DNAJC24: variants seen among roughly 807,000 people sequenced by gnomAD.
The protein encoded by DNAJC24 is dnaJ homolog subfamily C member 24.
Under a neutral mutation model 18.0 loss-of-function variants are expected in DNAJC24, and 17 were observed. The ratio of observed to expected loss-of-function variants is 0.94; its 90% CI spans 0.65 to 1.42. DNAJC24 has a LOEUF of 1.42. DNAJC24 is among the 40% of genes most tolerant of loss of function. DNAJC24 has a pLI of 0.00. For missense variants in DNAJC24, 158 were observed against 175.6 expected (o/e 0.90, Z 0.57); for synonymous variants, 55 against 57.7 (o/e 0.95, Z 0.21).
chr11:31,432,710 C>T lies in DNAJC24; in HGVS notation c.*2309C>T, dbSNP rs899625654. On this transcript the variant is annotated 3_prime_UTR_variant, in exon 5 of 5. Coordinates refer to ENST00000465995, the MANE Select transcript of DNAJC24 (RefSeq NM_181706.5). ...CATCAATCAAGAATAAAATTTTCTA[C>T]ATCAAAGTAAGACTTGAGAAAATAA... 3.2e-6 allele frequency: 2 copies of T among 630,876 alleles called. No homozygotes were observed. Among genetic ancestry groups the T allele is most frequent in the African/African-American group, 3.7e-5 (2 of 54,242 alleles). The allele number at this position is 630,876 out of a possible 1,614,324, so 39.1% of individuals were successfully genotyped here.
chr11:31,417,508 G>A (rs1046872095), intron 3 of DNAJC24, among the ~76,000 whole-genome samples: 1 of 152,070 alleles, frequency 6.6e-6, no homozygotes, highest in Non-Finnish European at 1.5e-5. Context: ...AGGTTACCGA[G>A]AGAGAGAGTT....
At chr11:31,428,388 A>C (rs1048199912) in intron 4 of DNAJC24, among the ~76,000 whole-genome samples, 8 of 152,198 alleles carry the variant, frequency 5.3e-5, no homozygotes, top group African/African-American at 1.9e-4. Flanking sequence ...TTATTCTTGT[A>C]GAAATACTTA....
At chr11:31,411,569 A>G (rs878969158) in intron 2 of DNAJC24, among the ~76,000 whole-genome samples, 1 of 152,192 alleles carries the variant, frequency 6.6e-6, no homozygotes, top group Non-Finnish European at 1.5e-5. Flanking sequence ...GGCTGCAGGC[A>G]TTCCTTGGCT....
At chr11:31,403,519 G>A (rs1233612996) in intron 2 of DNAJC24, among the ~76,000 whole-genome samples, 2 of 152,166 alleles carry the variant, frequency 1.3e-5, no homozygotes, top group Non-Finnish European at 2.9e-5. Context: ...AACATTTTTT[G>A]ATTTGCAGTT....
chr11:31,371,300 C>T (rs865965262), intron 2 of DNAJC24, among the ~76,000 whole-genome samples: 4 of 152,156 alleles, frequency 2.6e-5, no homozygotes, highest in Admixed American at 6.5e-5. Flanking sequence ...ATTTTAAAGA[C>T]AGTATTTAAA....
intron 2 of DNAJC24, among the ~76,000 whole-genome samples, chr11:31,390,705 TAAAAA>T (rs34050503): frequency 2.7e-4 from 31 of 114,078 alleles, no homozygotes; most frequent in African/African-American, 9.8e-4. Context: ...GATTCCATCT[TAAAAA>T]AAAAAAAAAA....
intron 3 of DNAJC24, among the ~76,000 whole-genome samples, chr11:31,418,682 T>G (rs1173042892): frequency 6.6e-6 from 1 of 152,116 alleles, no homozygotes; most frequent in Non-Finnish European, 1.5e-5. Flanking sequence ...GGTAGAACCT[T>G]CACTATACAT....
intron 4 of DNAJC24, chr11:31,429,412 A>T (rs1952897329): frequency 5.7e-6 from 2 of 348,058 alleles, no homozygotes; most frequent in South Asian, 4.2e-5. Context: ...GTCCTTTGAG[A>T]CTTATTTATG....
chr11:31,413,065 T>G (rs1688838898), intron 2 of DNAJC24, among the ~76,000 whole-genome samples: 1 of 152,110 alleles, frequency 6.6e-6, no homozygotes, highest in African/African-American at 2.4e-5. Flanking sequence ...TACTTGCAAT[T>G]TTTTTTGTGC....
At chr11:31,377,374 A>G (rs539877422) in intron 2 of DNAJC24, among the ~76,000 whole-genome samples, 2 of 152,240 alleles carry the variant, frequency 1.3e-5, no homozygotes, top group Admixed American at 1.3e-4. Flanking sequence ...TTAAAGATAC[A>G]TATTTACGTA....
intron 2 of DNAJC24, among the ~76,000 whole-genome samples, chr11:31,412,573 T>C (rs577773110): frequency 3.9e-5 from 6 of 152,330 alleles, no homozygotes; most frequent in South Asian, 4.1e-4. Context: ...ATCCCAACTT[T>C]AGAGATTGCC....
chr11:31,424,798 T>G (rs1952844678), intron 3 of DNAJC24, among the ~76,000 whole-genome samples: 1 of 152,158 alleles, frequency 6.6e-6, no homozygotes, highest in African/African-American at 2.4e-5. Context: ...ATTTTAAAAT[T>G]ATGTAACTCA....
At chr11:31,391,007 A>G (rs1952489919) in intron 2 of DNAJC24, among the ~76,000 whole-genome samples, 1 of 152,174 alleles carries the variant, frequency 6.6e-6, no homozygotes, top group Non-Finnish European at 1.5e-5. Flanking sequence ...ATTCTTCGTG[A>G]CCAAGTGGGA....
At chr11:31,405,296 C>CTGACCTCAGGTGATCTGCCCGCCT (rs1952646136) in intron 2 of DNAJC24, among the ~76,000 whole-genome samples, 1 of 151,930 alleles carries the variant, frequency 6.6e-6, no homozygotes, top group Non-Finnish European at 1.5e-5. Flanking sequence ...TCTCGAACTC[C>CTGACCTCAGGTGATCTGCCCGCCT]TGACCTCAGG....
intron 2 of DNAJC24, among the ~76,000 whole-genome samples, chr11:31,388,800 A>G (rs1193077505): frequency 6.6e-6 from 1 of 152,208 alleles, no homozygotes; most frequent in East Asian, 1.9e-4. Flanking sequence ...AATTGCTACA[A>G]TAACACTTCA....
chr11:31,408,842 A>T (rs961866963), intron 2 of DNAJC24, among the ~76,000 whole-genome samples: 4 of 152,206 alleles, frequency 2.6e-5, no homozygotes, highest in African/African-American at 9.6e-5. Context: ...ATAGGTGTGA[A>T]GTCATTTCAG....
rs571664096 is a variant in DNAJC24, at chr11:31,406,530, A to G, written c.112-8281A>G. Among the ~76,000 whole-genome samples the G allele has an allele frequency of 5.9e-5, 9 of 152,344 alleles. No homozygotes were observed. In the East Asian group the frequency reaches 1.7e-3, roughly 29 times the overall value. ...TATATATTCAGTGTTTAATACTTGT[A>G]ATAGATAAAGCTTGAATGGTAGGTT... On this transcript the variant is annotated intron_variant, in intron 2 of 4. Coordinates refer to ENST00000465995, the MANE Select transcript of DNAJC24 (RefSeq NM_181706.5).
At chr11:31,408,717 T>TTG (rs1440664210) in intron 2 of DNAJC24, among the ~76,000 whole-genome samples, 2 of 152,206 alleles carry the variant, frequency 1.3e-5, no homozygotes, top group Non-Finnish European at 2.9e-5. Flanking sequence ...TAATCTATTT[T>TTG]TGTGTTAGTT....
chr11:31,408,662 G>A (rs1401005362), intron 2 of DNAJC24, among the ~76,000 whole-genome samples: 2 of 152,090 alleles, frequency 1.3e-5, no homozygotes, highest in Non-Finnish European at 2.9e-5. Context: ...TATATCTTTT[G>A]TAGTACCATG....
Sources: gnomAD v4.1 joint callset for allele counts (sites outside exome capture counted in the v4.1 genomes callset) on GRCh38, gnomAD v4.1.1 for gene constraint, MANE v1.5 for transcripts, NCBI Gene and HGNC (gene_info 2026-07-23, HGNC 2026-07-21) for gene names.